Variants in SOS1 observed in about 807,000 individuals in gnomAD.
SOS1 encodes the protein son of sevenless homolog 1.
A neutral mutation model predicts 157.6 loss-of-function variants in SOS1; 25 were observed. The ratio of observed to expected loss-of-function variants is 0.16; its 90% confidence interval spans 0.12 to 0.22. The LOEUF (loss-of-function observed/expected upper bound fraction) is 0.22. SOS1 is among the 10% of genes least tolerant of loss of function. The probability of loss-of-function intolerance (pLI) is 1.00; values close to 1 mark genes in which losing one functional copy is unlikely to be tolerated. For missense variants in SOS1, 1,237 were observed against 1,599.1 expected (o/e 0.77, Z 3.86); for synonymous variants, 528 against 534.0 (o/e 0.99, Z 0.16).
At chr2:39,094,724 CTATCTACCAATCTAAGA>C (rs1289511039) in intron 1 of SOS1, among the ~76,000 whole-genome samples, 1 of 152,154 alleles carries the variant, frequency 6.6e-6, no homozygotes, top group Non-Finnish European at 1.5e-5. Context: ...TTGAGAACTA[CTATCTACCAATCTAAGA>C]TAACCCTGGA....
At chr2:39,120,236 G>T in intron 1 of SOS1, 100 bp downstream of exon 1, 2 of 1,078,734 alleles carry the variant, frequency 1.9e-6, no homozygotes, top group Non-Finnish European at 2.5e-6. Context: ...GCGAGACCGG[G>T]AAGAAAGACG....
At chr2:39,045,273 A>AGAGAGTGTGTGTGT (rs138343013) in intron 6 of SOS1, among the ~76,000 whole-genome samples, 78 of 108,090 alleles carry the variant, frequency 7.2e-4, no homozygotes, top group African/African-American at 1.1e-3. Flanking sequence ...AGAGAGAGAG[A>AGAGAGTGTGTGTGT]GTGTGTGTGT....
chr2:39,070,037 C>G (rs1163995020), intron 1 of SOS1, among the ~76,000 whole-genome samples: 1 of 152,274 alleles, frequency 6.6e-6, no homozygotes, highest in East Asian at 1.9e-4. Context: ...GTGTGTACTA[C>G]AGCCCAGAAT....
chr2:39,061,896 G>A (rs530229642), intron 2 of SOS1, among the ~76,000 whole-genome samples: 3 of 152,026 alleles, frequency 2.0e-5, no homozygotes, highest in Non-Finnish European at 4.4e-5. Flanking sequence ...GCAGAACCCT[G>A]TCTTCTCCTT....
At chr2:39,053,354 T>C (rs962010132) in intron 5 of SOS1, among the ~76,000 whole-genome samples, 1 of 152,212 alleles carries the variant, frequency 6.6e-6, no homozygotes, top group Non-Finnish European at 1.5e-5. Context: ...ATTTCTCTAA[T>C]GATTAGTGAT....
chr2:39,050,923 G>A (rs1456688361), intron 6 of SOS1, among the ~76,000 whole-genome samples: 1 of 152,004 alleles, frequency 6.6e-6, no homozygotes, highest in Non-Finnish European at 1.5e-5. Flanking sequence ...CTCCCCCCTT[G>A]GCGGTATCTG....
chr2:38,997,397 T>C lies in SOS1; in HGVS notation c.2820A>G (p.Thr940=), dbSNP rs113385265. The C allele has an allele frequency of 9.9e-6, 16 of 1,610,368 alleles. 1 individual carries two copies. The highest frequency in any genetic ancestry group is 8.0e-5 in the African/African-American group (6 of 75,014). The change falls in exon 18 of 23, where the codon ACA becomes ACG. Residue 940 remains threonine, a synonymous_variant. Coordinates refer to ENST00000402219, the MANE Select transcript of SOS1 (RefSeq NM_005633.4). ...TTAGGACCTCAGGGTTGCCTTCTTC[T>C]GTTTTCAAGATATTAGTGAGATAAA... The part of the protein sequence containing the change: ...FGIYLTNILK[T]EEGNPEVLKR...
chr2:39,108,733 A>AT (rs1380378219), intron 1 of SOS1, among the ~76,000 whole-genome samples: 2 of 152,044 alleles, frequency 1.3e-5, no homozygotes, highest in Non-Finnish European at 2.9e-5. Flanking sequence ...TACAAAAAAA[A>AT]TTTTTAAAAA....
At chr2:38,994,063 G>A (rs915359064) in intron 20 of SOS1, among the ~76,000 whole-genome samples, 1 of 152,174 alleles carries the variant, frequency 6.6e-6, no homozygotes, top group African/African-American at 2.4e-5. Flanking sequence ...TGTGATTATT[G>A]AGCATCTGAC....
intron 1 of SOS1, among the ~76,000 whole-genome samples, chr2:39,097,328 G>T (rs297149): frequency 6.6e-6 from 1 of 152,146 alleles, no homozygotes; most frequent in South Asian, 2.1e-4. Flanking sequence ...TCAGCATATA[G>T]CTAATTCTTT....
chr2:38,992,442 T>G (rs1668763285), intron 20 of SOS1: 1 of 152,244 alleles, frequency 6.6e-6, no homozygotes, highest in Non-Finnish European at 1.5e-5. Flanking sequence ...GAAACAATGT[T>G]TTCTCCACCT....
chr2:39,051,138 A>G lies in SOS1; in HGVS notation c.864+6T>C, dbSNP rs1276475186. On this transcript the variant is annotated splice_donor_region_variant and intron_variant, in intron 6 of 22. Coordinates refer to ENST00000402219, the MANE Select transcript of SOS1 (RefSeq NM_005633.4). ...GACTTTTCGGGTATATAATTGAAGTACTTACCTCTGCTAAGTCTTCAAAGC... is the reference window on the plus strand; with the variant it reads ...GACTTTTCGGGTATATAATTGAAGTGCTTACCTCTGCTAAGTCTTCAAAGC... 1.2e-6 allele frequency: 2 copies of G among 1,613,306 alleles called. No homozygotes were observed. The highest frequency in any genetic ancestry group is 1.1e-5 in the South Asian group (1 of 91,064).
Position 39,067,826 on chromosome 2 carries a change from T to C in SOS1, c.88-73A>G, listed in dbSNP as rs764651302. ...AACAAATTTTTAAAACTTTAAAAAA[T>C]GTGGGTTTGTGGCCGGGCACGGTGG... is the stretch of plus-strand genomic sequence containing the variant. On this transcript the variant is annotated intron_variant, in intron 1 of 22. Coordinates refer to ENST00000402219, the MANE Select transcript of SOS1 (RefSeq NM_005633.4). 629 of 1,407,098 alleles carry C rather than the reference T, an allele frequency of 4.5e-4. 1 individual carries two copies. The highest frequency in any genetic ancestry group is 7.2e-4 in the Admixed American group (43 of 59,428). The allele number at this position is 1,407,098 out of a possible 1,614,324, so 87.2% of individuals were successfully genotyped here. A position where few individuals can be genotyped will look rare whatever the true frequency, so the allele number is the denominator to read the frequency against.
intron 6 of SOS1, among the ~76,000 whole-genome samples, chr2:39,043,707 G>A (rs999474594): frequency 6.6e-6 from 1 of 152,176 alleles, no homozygotes; most frequent in Non-Finnish European, 1.5e-5. Context: ...ACATGGCAAG[G>A]GAACTACAGC....
intron 1 of SOS1, among the ~76,000 whole-genome samples, chr2:39,078,349 G>A (rs541104482): frequency 4.9e-4 from 74 of 152,292 alleles, no homozygotes; most frequent in African/African-American, 1.7e-3. Context: ...CCCATTACTG[G>A]TGGGAATATA....
In SOS1 at chr2:39,062,063, G is replaced by C. The variant is rs149381689; in HGVS notation, c.214-3259C>G. Among the ~76,000 whole-genome samples the C allele has an allele frequency of 4.1e-3, 629 of 152,084 alleles. 7 individuals carry two copies. The highest frequency in any genetic ancestry group is 0.014 in the African/African-American group (595 of 41,526). On this transcript the variant is annotated intron_variant, in intron 2 of 22. Coordinates refer to ENST00000402219, the MANE Select transcript of SOS1 (RefSeq NM_005633.4). Reference sequence around the variant, plus strand: ...GGAGAAATTTGTTTTTGTTTAGAAAGGTAGAAAATATGGATAAATTATTTG... The same window carrying C: ...GGAGAAATTTGTTTTTGTTTAGAAACGTAGAAAATATGGATAAATTATTTG...
Position 39,056,809 on chromosome 2 carries a change from C to T in SOS1, c.403G>A (p.Glu135Lys). ...QVSVYIVAVL[E>K]YISADILKLV... ...TTTAAAATGTCTGCAGAAATGTATTCTAAGACTGCTACTATGTAAACAGAA... is the reference window on the plus strand; with the variant it reads ...TTTAAAATGTCTGCAGAAATGTATTTTAAGACTGCTACTATGTAAACAGAA... The change falls in exon 4 of 23, where the codon GAA (glutamate) becomes AAA (lysine). Residue 135 changes from glutamate to lysine, a missense_variant. By Grantham distance (56) the Glu-to-Lys change is moderately conservative (BLOSUM62 1). Transcript: ENST00000402219. 1 of 1,604,462 alleles carries T rather than the reference C, an allele frequency of 6.2e-7. No individual in the cohort carries two copies. Among genetic ancestry groups the T allele is most frequent in the Non-Finnish European group, 8.5e-7 (1 of 1,171,356 alleles).
intron 17 of SOS1, among the ~76,000 whole-genome samples, chr2:38,999,536 TG>T (rs1248938183): frequency 1.3e-5 from 2 of 152,240 alleles, no homozygotes; most frequent in African/African-American, 4.8e-5. Flanking sequence ...TCTCAGCACC[TG>T]GGCTATGCCT....
chr2:39,089,906 C>A (rs1201153078), intron 1 of SOS1, among the ~76,000 whole-genome samples: 1 of 149,690 alleles, frequency 6.7e-6, no homozygotes, highest in African/African-American at 2.5e-5. Flanking sequence ...GAAGGTGGAT[C>A]ATTTGAGGTT....
Sources: gnomAD v4.1 joint callset for allele counts (sites outside exome capture counted in the v4.1 genomes callset) on GRCh38, gnomAD v4.1.1 for gene constraint, MANE v1.5 for transcripts, NCBI Gene and HGNC (gene_info 2026-07-23, HGNC 2026-07-21) for gene names.